C2CD2: variants seen among roughly 807,000 people sequenced by gnomAD.
C2CD2 encodes the protein C2 domain-containing protein 2.
Under a neutral mutation model 74.3 loss-of-function variants are expected in C2CD2, and 43 were observed. The observed-to-expected ratio is 0.58, with a 90% CI of 0.45 to 0.75. The LOEUF (loss-of-function observed/expected upper bound fraction) is 0.75. C2CD2 is among the 30% of genes least tolerant of loss of function. The probability of loss-of-function intolerance (pLI) is 0.00; values close to 1 mark genes in which losing one functional copy is unlikely to be tolerated. For missense variants in C2CD2, 801 were observed against 916.3 expected (o/e 0.87, Z 1.63); for synonymous variants, 422 against 390.7 (o/e 1.08, Z -0.94).
chr21:41,952,906 T>C (rs1569086591), intron 1 of C2CD2: 1 of 155,122 alleles, frequency 6.4e-6, no homozygotes, highest in Non-Finnish European at 1.4e-5. Context: ...GTCACTATTT[T>C]TATATGCCAA....
intron 2 of C2CD2, among the ~76,000 whole-genome samples, chr21:41,931,426 C>CTTT (rs34326295): frequency 1.8e-4 from 25 of 135,912 alleles, no homozygotes; most frequent in African/African-American, 4.7e-4. Flanking sequence ...AGAAGAGTGT[C>CTTT]TTTTTTTTTT....
chr21:41,912,553 C>CA, intron 6 of C2CD2, 113 bp from the exon 7 acceptor site: 1 of 425,420 alleles, frequency 2.4e-6, no homozygotes, highest in Middle Eastern at 6.6e-4. Flanking sequence ...TGCAGTGGCG[C>CA]AATCTCGGCT....
Position 41,929,771 on chromosome 21 carries a change from G to A in C2CD2, c.379-7686C>T, listed in dbSNP as rs2065247194. Among the ~76,000 whole-genome samples, 1 of 152,216 alleles carries A rather than the reference G, an allele frequency of 6.6e-6. No individual in the cohort carries two copies. Among genetic ancestry groups the A allele is most frequent in the Non-Finnish European group, 1.5e-5 (1 of 68,034 alleles). On this transcript the variant is annotated intron_variant, in intron 2 of 13. Coordinates refer to ENST00000380486, the MANE Select transcript of C2CD2 (RefSeq NM_015500.2). This position sits in a 1 kb window ranked among gnomAD's most constrained non-coding sequence, Gnocchi z 4.6. The stretch of plus-strand genomic sequence containing the variant: ...GCTCAGCTCCTGCCCTCATCAGCAA[G>A]TTTTCCAAATGAAAGTTACGTTGAA...
In C2CD2 at chr21:41,924,676, TC is replaced by T. The variant is rs995030556; in HGVS notation, c.379-2592del. Among the ~76,000 whole-genome samples the T allele has an allele frequency of 1.3e-5, 2 of 152,022 alleles. No individual in the cohort carries two copies. The highest frequency in any genetic ancestry group is 4.8e-5 in the African/African-American group (2 of 41,308). ...CCTGTCCTTGGTCTCAACAGCCCAC[TC>T]CTTTTACTGCTTAAAGTAAAAAATA... On this transcript the variant is annotated intron_variant, in intron 2 of 13. Coordinates refer to ENST00000380486, the MANE Select transcript of C2CD2 (RefSeq NM_015500.2). The surrounding 1 kb of genome is among the most constrained non-coding windows in gnomAD (Gnocchi z 4.4).
intron 13 of C2CD2, among the ~76,000 whole-genome samples, chr21:41,891,554 G>C (rs2064754192): frequency 1.3e-5 from 2 of 152,118 alleles, no homozygotes; most frequent in South Asian, 4.1e-4. Flanking sequence ...AGGGGGCTCT[G>C]AGCTGACCAG....
At chr21:41,952,515 C>A (rs1263669094) in intron 1 of C2CD2, among the ~76,000 whole-genome samples, 2 of 152,246 alleles carry the variant, frequency 1.3e-5, no homozygotes, top group African/African-American at 4.8e-5. Flanking sequence ...CTCCCCAAAC[C>A]CACCCAGGCT....
Position 41,903,488 on chromosome 21 carries a change from A to C in C2CD2, c.1433-1739T>G, listed in dbSNP as rs1006877558. Among the ~76,000 whole-genome samples, 3 of 151,508 alleles carry C rather than the reference A, an allele frequency of 2.0e-5. No homozygotes were observed. In the Middle Eastern group the frequency reaches 0.01, roughly 519 times the overall value. On this transcript the variant is annotated intron_variant, in intron 11 of 13. Transcript: ENST00000380486. The surrounding 1 kb of genome is among the most constrained non-coding windows in gnomAD (Gnocchi z 4.5). Reference sequence around the variant, plus strand: ...GACACCCAGTTGGTGTCTGCAGAGAAACAGAAAATTGCTTGCCATAGAAAA... The same window carrying C: ...GACACCCAGTTGGTGTCTGCAGAGACACAGAAAATTGCTTGCCATAGAAAA...
In C2CD2 at chr21:41,953,695, G is replaced by A. The variant is rs1392700965; in HGVS notation, c.-47C>T. ...GCCCCAACTTCCCCGGCAGCCCCGGGCCGGAACGGCGGACTCAGGACACGC... is the reference window on the plus strand; with the variant it reads ...GCCCCAACTTCCCCGGCAGCCCCGGACCGGAACGGCGGACTCAGGACACGC... On this transcript the variant is annotated 5_prime_UTR_variant, in exon 1 of 14. Transcript: ENST00000380486. 34 of 1,342,556 alleles carry A rather than the reference G, an allele frequency of 2.5e-5. No individual in the cohort carries two copies. Among genetic ancestry groups the A allele is most frequent in the African/African-American group, 3.1e-5 (2 of 65,124 alleles). 83.2% of individuals were successfully genotyped at this position (1,342,556 alleles called of 1,614,324 possible).
intron 4 of C2CD2, 130 bp from the exon 5 acceptor site, chr21:41,918,357 TC>T (rs978732188): frequency 9.5e-7 from 1 of 1,051,202 alleles, no homozygotes; most frequent in African/African-American, 1.6e-5. Context: ...TTTAGCTCTG[TC>T]TTTGCAAAAA....
chr21:41,937,116 G>A (rs1396828591), intron 2 of C2CD2, among the ~76,000 whole-genome samples: 1 of 143,244 alleles, frequency 7.0e-6, no homozygotes, highest in Non-Finnish European at 1.5e-5. Flanking sequence ...ACCGCACCCA[G>A]CATTTTTTTT....
rs1001606191 is a variant in C2CD2, at chr21:41,923,371, C to T, written c.379-1286G>A. Among the ~76,000 whole-genome samples the T allele has an allele frequency of 2.0e-5, 3 of 152,196 alleles. No individual in the cohort carries two copies. The highest frequency in any genetic ancestry group is 1.3e-4 in the Admixed American group (2 of 15,288). On this transcript the variant is annotated intron_variant, in intron 2 of 13. Transcript: ENST00000380486. This position sits in a 1 kb window ranked among gnomAD's most constrained non-coding sequence, Gnocchi z 5.8. ...ATTTTTAATTCCCCAAATGTTTCCA[C>T]ATTCATACACAGTCAAAGCCATTAG...
intron 7 of C2CD2, 67 bp downstream of exon 7, chr21:41,912,265 T>C (rs2065033865): frequency 1.1e-6 from 1 of 913,496 alleles, no homozygotes. Context: ...CAGAATGATT[T>C]CAGGATTTGG....
intron 6 of C2CD2, among the ~76,000 whole-genome samples, chr21:41,913,733 T>C (rs769891762): frequency 1.3e-5 from 2 of 152,184 alleles, no homozygotes; most frequent in Non-Finnish European, 2.9e-5. Flanking sequence ...TACAATTTGC[T>C]CCTGTTCTTG....
intron 2 of C2CD2, among the ~76,000 whole-genome samples, chr21:41,931,267 C>G (rs1329659369): frequency 6.7e-6 from 1 of 150,246 alleles, no homozygotes; most frequent in Non-Finnish European, 1.5e-5. Flanking sequence ...CCCTGCAAGG[C>G]AGGCACCCAG....
At chr21:41,896,127 G>T (rs137954693) in intron 13 of C2CD2, among the ~76,000 whole-genome samples, 7 of 152,160 alleles carry the variant, frequency 4.6e-5, no homozygotes, top group Non-Finnish European at 2.9e-5. Flanking sequence ...AGGCAGGCAG[G>T]TCGGCTGGCT....
chr21:41,938,844 C>T (rs1198304087), intron 2 of C2CD2, among the ~76,000 whole-genome samples: 9 of 151,348 alleles, frequency 5.9e-5, no homozygotes, highest in South Asian at 4.2e-4. Context: ...CAGGTTCAAG[C>T]GATTCTCCTG....
rs748637990 is a variant in C2CD2, at chr21:41,907,116, A to C, written c.1194T>G (p.Pro398=). The change falls in exon 10 of 14, where the codon CCT becomes CCG. Residue 398 remains proline (P), a synonymous_variant. Coordinates refer to ENST00000380486, the MANE Select transcript of C2CD2 (RefSeq NM_015500.2). ...CCTTTTCTATTTTTGCAGCAGGAACAGGGGGAGGGATGGGCCAGGATTTCA... is the reference window on the plus strand; with the variant it reads ...CCTTTTCTATTTTTGCAGCAGGAACCGGGGGAGGGATGGGCCAGGATTTCA... The part of the protein sequence containing the change: ...GELKSWPIPP[P]VPAAKIEKDR... The C allele has an allele frequency of 5.0e-6, 8 of 1,614,026 alleles. No individual in the cohort carries two copies. In the East Asian group the frequency reaches 1.8e-4, roughly 36 times the overall value.
intron 7 of C2CD2, among the ~76,000 whole-genome samples, chr21:41,911,005 T>G (rs56000383): frequency 6.6e-6 from 1 of 151,378 alleles, no homozygotes; most frequent in African/African-American, 2.4e-5. Flanking sequence ...ACTTCTAGAA[T>G]AAAATAGGCA....
At chr21:41,943,392 T>A (rs1354324396) in intron 1 of C2CD2, among the ~76,000 whole-genome samples, 1 of 152,224 alleles carries the variant, frequency 6.6e-6, no homozygotes, top group Non-Finnish European at 1.5e-5. Context: ...CCAGGGCTTA[T>A]GTGACCAACC....
Sources: gnomAD v4.1 joint callset for allele counts (sites outside exome capture counted in the v4.1 genomes callset) on GRCh38, gnomAD v4.1.1 for gene constraint, Gnocchi (gnomAD v3.1) non-coding constraint, MANE v1.5 for transcripts, NCBI Gene and HGNC (gene_info 2026-07-23, HGNC 2026-07-21) for gene names.